SSPN: variants seen among roughly 807,000 people sequenced by gnomAD.
The protein encoded by SSPN is sarcospan.
A neutral mutation model predicts 19.1 loss-of-function variants in SSPN; 15 were observed. The ratio of observed to expected loss-of-function variants is 0.78; its 90% confidence interval spans 0.52 to 1.21. The LOEUF (loss-of-function observed/expected upper bound fraction) is 1.21. SSPN is among the 50% of genes most tolerant of loss of function. SSPN has a pLI of 0.00. For synonymous variants in SSPN, 147 were observed against 140.3 expected, an observed-to-expected ratio of 1.05 and a Z score of -0.34; for missense variants, 291 against 314.0, an observed-to-expected ratio of 0.93 and a Z score of 0.55.
At chr12:26,147,279 T>G (rs1333654972) in intron 1 of SSPN, among the ~76,000 whole-genome samples, 2 of 12,720 alleles carry the variant, frequency 1.6e-4, no homozygotes, top group Non-Finnish European at 2.6e-4. Context: ...TTTTTTTGTG[T>G]TTTTTTTTTT....
upstream of SSPN, among the ~76,000 whole-genome samples, chr12:26,194,707 G>A (rs561732064): frequency 7.2e-5 from 11 of 152,318 alleles, no homozygotes; most frequent in East Asian, 1.4e-3. Context: ...GTGAGAGGCC[G>A]GGTGCATGGT....
chr12:26,123,543 G>A, intron 1 of SSPN: 2 of 919,874 alleles, frequency 2.2e-6, no homozygotes, highest in Admixed American at 3.4e-5. Flanking sequence ...GGAAAGAGAT[G>A]GGGTGCGGGT....
At position 26,175,828 on chromosome 12, in the gene SSPN, A is replaced by G. The variant is rs552177144; in HGVS notation, c.-30-48465A>G. The stretch of plus-strand genomic sequence containing the variant: ...GCAAATTCAATTCCGAGTATAAAAA[A>G]TTTATTTTGAGTTTTTTTTTTTTTT... On this transcript the variant is annotated intron_variant, in intron 1 of 2. Transcript: ENST00000538142. 5.1e-5 allele frequency among the ~76,000 whole-genome samples: 6 copies of G among 117,250 alleles called. No homozygotes were observed. In the East Asian group the frequency reaches 1.3e-3, roughly 25 times the overall value. 76.9% of individuals were successfully genotyped at this position (117,250 alleles called of 152,430 possible).
At chr12:26,133,178 A>G (rs1944405835) in intron 1 of SSPN, among the ~76,000 whole-genome samples, 1 of 152,222 alleles carries the variant, frequency 6.6e-6, no homozygotes, top group Admixed American at 6.5e-5. Context: ...GGGACCTGAC[A>G]GGGCTGGCGA....
rs1447697097 is a variant in SSPN, at chr12:26,122,370, G to A, written c.-31+218G>A. 4.2e-6 allele frequency: 5 copies of A among 1,199,718 alleles called. No homozygotes were observed. The highest frequency in any genetic ancestry group is 5.2e-6 in the Non-Finnish European group (5 of 965,158). The allele number at this position is 1,199,718 out of a possible 1,614,324, so 74.3% of individuals were successfully genotyped here. On this transcript the variant is annotated intron_variant, in intron 1 of 2. Coordinates refer to the SSPN transcript ENST00000538142. The stretch of plus-strand genomic sequence containing the variant: ...GGGGTATAGCAGCGGGAACGGGGCG[G>A]CAGCCGCCGCCGGGTACAGATACTT...
At chr12:26,145,378 G>C (rs1301742283) in intron 1 of SSPN, among the ~76,000 whole-genome samples, 2 of 152,316 alleles carry the variant, frequency 1.3e-5, no homozygotes, top group South Asian at 4.1e-4. Context: ...TGTCCTGGGA[G>C]GGCTGGTGAG....
chr12:26,206,876 GAGTT>G (rs1171710127), intron 1 of SSPN, among the ~76,000 whole-genome samples: 32 of 152,286 alleles, frequency 2.1e-4, no homozygotes, highest in Admixed American at 3.9e-4. Flanking sequence ...GTCATCACAA[GAGTT>G]AGTTAGGAGT....
intron 1 of SSPN, among the ~76,000 whole-genome samples, chr12:26,130,549 A>G (rs1545785): frequency 0.98 from 149,269 of 152,348 alleles, 73,187 homozygotes; most frequent in East Asian, 1. Context: ...ATCATATATA[A>G]CAATTACCCA....
intron 2 of SSPN, among the ~76,000 whole-genome samples, chr12:26,228,586 C>T (rs1022710434): frequency 6.6e-6 from 1 of 151,826 alleles, no homozygotes; most frequent in Non-Finnish European, 1.5e-5. Flanking sequence ...CATAGATATA[C>T]CATTGTTCCC....
intron 1 of SSPN, among the ~76,000 whole-genome samples, chr12:26,202,310 A>G (rs1232432549): frequency 6.6e-6 from 1 of 152,152 alleles, no homozygotes; most frequent in East Asian, 1.9e-4. Context: ...AACACAGACA[A>G]ATTTATTTAT....
At chr12:26,130,261 A>G (rs1176871708) in intron 1 of SSPN, among the ~76,000 whole-genome samples, 3 of 152,176 alleles carry the variant, frequency 2.0e-5, no homozygotes, top group Non-Finnish European at 2.9e-5. Flanking sequence ...CAAGAAAAAC[A>G]TGTTTATGCA....
chr12:26,191,768 C>T (rs957726952), upstream of SSPN, among the ~76,000 whole-genome samples: 1 of 151,844 alleles, frequency 6.6e-6, no homozygotes, highest in African/African-American at 2.4e-5. Context: ...TTAGGTATGG[C>T]GGCCAGCAAG....
rs1007620562 is a variant in SSPN at position 26,231,927 on chromosome 12, C to T, written c.*851C>T. Reference sequence around the variant, plus strand: ...ATGAGCTCTGACTGTACTTACGCTGCACTGTCGGTGTTAAGAGAAATTACT... The same window carrying T: ...ATGAGCTCTGACTGTACTTACGCTGTACTGTCGGTGTTAAGAGAAATTACT... On this transcript the variant is annotated 3_prime_UTR_variant, in exon 3 of 3. Transcript: ENST00000242729. 3 of 985,232 alleles carry T rather than the reference C, an allele frequency of 3.0e-6. No individual in the cohort carries two copies. The highest frequency in any genetic ancestry group is 3.6e-6 in the Non-Finnish European group (3 of 829,762). 61.0% of individuals were successfully genotyped at this position (985,232 alleles called of 1,614,324 possible). A position where few individuals can be genotyped will look rare whatever the true frequency, so the allele number is the denominator to read the frequency against.
At position 26,231,036 on chromosome 12, in the gene SSPN, G is replaced by T; in HGVS notation, c.692G>T (p.Cys231Phe). Residue 231 changes from cysteine to phenylalanine, a missense_variant, in exon 3 of 3, where the codon TGC becomes TTC. This residue lies in a region of SSPN where 141 missense variants were observed against 166.7 expected (regional missense o/e 0.85). Coordinates refer to ENST00000242729, the MANE Select transcript of SSPN (RefSeq NM_005086.5). ...YQVFYVGVRI[C>F]SLTASEGPQQ... ...GTCTTCTATGTGGGTGTCAGGATAT[G>T]CTCCCTCACGGCTTCCGAAGGCCCC... 1 of 1,614,162 alleles carries T rather than the reference G, an allele frequency of 6.2e-7. No individual in the cohort carries two copies. The highest frequency in any genetic ancestry group is 8.5e-7 in the Non-Finnish European group (1 of 1,180,016).
intron 1 of SSPN, among the ~76,000 whole-genome samples, chr12:26,127,120 T>C (rs1944371428): frequency 6.6e-6 from 1 of 152,226 alleles, no homozygotes; most frequent in Non-Finnish European, 1.5e-5. Context: ...TCTGAATGTT[T>C]GGAGTAGAAA....
At chr12:26,149,657 T>C (rs930630719) in intron 1 of SSPN, among the ~76,000 whole-genome samples, 2 of 152,282 alleles carry the variant, frequency 1.3e-5, no homozygotes, top group African/African-American at 4.8e-5. Context: ...ACTCAGTACC[T>C]GTTGCCTGCT....
chr12:26,148,629 G>T (rs1944507342), intron 1 of SSPN, among the ~76,000 whole-genome samples: 1 of 152,094 alleles, frequency 6.6e-6, no homozygotes. Context: ...CTCGTTTCAG[G>T]CATGGTTTTC....
intron 1 of SSPN, among the ~76,000 whole-genome samples, chr12:26,158,086 A>T (rs758734679): frequency 2.0e-5 from 3 of 152,120 alleles, no homozygotes; most frequent in Non-Finnish European, 4.4e-5. Flanking sequence ...AAATATGTTG[A>T]TTTTAATTAT....
chr12:26,169,020 G>T (rs1944637822), intron 1 of SSPN, among the ~76,000 whole-genome samples: 1 of 122,918 alleles, frequency 8.1e-6, no homozygotes. Context: ...GAAGATTATG[G>T]GCCTCATTTT....
Sources: gnomAD v4.1 joint callset for allele counts (sites outside exome capture counted in the v4.1 genomes callset) on GRCh38, gnomAD v4.1.1 for gene constraint, gnomAD v4.1.1 regional missense constraint, MANE v1.5 for transcripts, NCBI Gene and HGNC (gene_info 2026-07-23, HGNC 2026-07-21) for gene names.